The following DNAH12 variants were observed in gnomAD, a reference collection of about 807,000 sequenced individuals.
DNAH12 encodes dynein axonemal heavy chain 12.
Under a neutral mutation model 371.5 loss-of-function variants are expected in DNAH12, and 285 were observed. That is an observed-to-expected ratio of 0.77 (90% CI 0.70 to 0.85). DNAH12 has a LOEUF of 0.85. Among genes scored for constraint, DNAH12 ranks in the 40% least tolerant of loss-of-function variants. The pLI, the probability that DNAH12 is intolerant of heterozygous loss-of-function variation, is 0.00. For synonymous variants in DNAH12, 1,200 were observed against 1,213.0 expected (o/e 0.99, Z 0.22); for missense variants, 3,611 against 3,689.4 (o/e 0.98, Z 0.55).
At chr3:57,501,489 G>T in intron 10 of DNAH12, 77 bp from the exon 11 acceptor site, 2 of 975,878 alleles carry the variant, frequency 2.0e-6, no homozygotes, top group Non-Finnish European at 3.0e-6. Flanking sequence ...TATGATCATG[G>T]AATGGGGACC....
intron 11 of DNAH12, among the ~76,000 whole-genome samples, chr3:57,499,957 C>T (rs1003088990): frequency 6.6e-6 from 1 of 151,348 alleles, no homozygotes; most frequent in Non-Finnish European, 1.5e-5. Flanking sequence ...AAGAAATATG[C>T]CAGTTTTAAC....
At chr3:57,390,023 A>C (rs1404320941) in intron 45 of DNAH12, among the ~76,000 whole-genome samples, 1 of 148,982 alleles carries the variant, frequency 6.7e-6, no homozygotes. Flanking sequence ...TTTAGTAGAG[A>C]TGGGGTTTCA....
intron 37 of DNAH12, among the ~76,000 whole-genome samples, chr3:57,417,895 A>C (rs559477164): frequency 7.9e-5 from 12 of 152,312 alleles, no homozygotes; most frequent in African/African-American, 2.6e-4. Flanking sequence ...TCAAGCCTGT[A>C]ATCCCAGCAC....
Position 57,461,496 on chromosome 3 carries a change from T to C in DNAH12, c.2729A>G (p.Glu910Gly). The C allele has an allele frequency of 1.9e-6, 3 of 1,551,268 alleles. No homozygotes were observed. Among genetic ancestry groups the C allele is most frequent in the South Asian group, 2.4e-5 (2 of 84,048 alleles). ...GSPFIKPFEH[E>G]IKAWEDRLIR... ...TTATCACATTTAACATACCTTGATC[T>C]CATGTTCAAATGGTTTGATGAAAGG... is the stretch of plus-strand genomic sequence containing the variant. Residue 910 changes from glutamate to glycine, a missense_variant, in exon 19 of 74, where the codon GAG (glutamate) becomes GGG (glycine). Transcript: ENST00000495027.
intron 11 of DNAH12, 50 bp downstream of exon 11, chr3:57,501,271 T>C (rs766921113): frequency 2.2e-6 from 3 of 1,365,280 alleles, no homozygotes; most frequent in East Asian, 2.3e-5. Context: ...AAGATCCTAA[T>C]GTTACAAAAA....
At chr3:57,509,060 A>G in intron 6 of DNAH12, 80 bp downstream of exon 6, 1 of 1,226,132 alleles carries the variant, frequency 8.2e-7, no homozygotes. Context: ...TCACAATTGT[A>G]TACTTGAAGG....
intron 2 of DNAH12, among the ~76,000 whole-genome samples, chr3:57,534,410 T>C (rs1349145015): frequency 1.3e-5 from 2 of 152,162 alleles, no homozygotes; most frequent in African/African-American, 4.8e-5. Flanking sequence ...TTGAGGGGTA[T>C]GTTCAGTGGA....
chr3:57,321,315 A>T (rs1458390195), intron 65 of DNAH12, among the ~76,000 whole-genome samples: 2 of 152,188 alleles, frequency 1.3e-5, no homozygotes, highest in African/African-American at 4.8e-5. Flanking sequence ...AAGTGTCATT[A>T]AGCAGAGGGA....
chr3:57,522,949 A>G (rs1281769930), intron 4 of DNAH12, among the ~76,000 whole-genome samples: 4 of 152,178 alleles, frequency 2.6e-5, no homozygotes, highest in Non-Finnish European at 2.9e-5. Flanking sequence ...AGAATACTCA[A>G]TTATTACCCT....
At chr3:57,362,882 A>T (rs1036795332) in intron 58 of DNAH12, among the ~76,000 whole-genome samples, 4 of 152,056 alleles carry the variant, frequency 2.6e-5, no homozygotes, top group Non-Finnish European at 2.9e-5. Flanking sequence ...ATTAGATCCC[A>T]TTTGTCTATT....
In DNAH12 at chr3:57,352,162, T is replaced by C. The variant is rs1474965580; in HGVS notation, c.9597A>G (p.Leu3199=). 42 of 1,544,172 alleles carry C rather than the reference T, an allele frequency of 2.7e-5. No homozygotes were observed. The highest frequency in any genetic ancestry group is 3.3e-5 in the Non-Finnish European group (38 of 1,145,244). Residue 3199 remains leucine, a synonymous_variant, in exon 60 of 74, where the codon TTA becomes TTG. Transcript: ENST00000495027. ...RYLNDHFTYN[L]YCNICRSLFE... Reference sequence around the variant, plus strand: ...ATAGTGATCGGCATATATTACAATATAAGTTGTATGTGAAGTGGTCATTTA... The same window carrying C: ...ATAGTGATCGGCATATATTACAATACAAGTTGTATGTGAAGTGGTCATTTA...
Position 57,523,803 on chromosome 3 carries a change from A to G in DNAH12, c.252T>C (p.Thr84=). 6.3e-7 allele frequency: 1 copy of G among 1,593,702 alleles called. No individual in the cohort carries two copies. Among genetic ancestry groups the G allele is most frequent in the Non-Finnish European group, 8.5e-7 (1 of 1,173,016 alleles). The change falls in exon 3 of 74, where the codon ACT becomes ACC. Residue 84 remains threonine, a splice_region_variant and synonymous_variant. Transcript: ENST00000495027. The stretch of plus-strand genomic sequence containing the variant: ...TTTTAACGAGAAAACATAAACTTAC[A>G]GTTTGAGGATAATCAGGTGGTGGTA... ...PLLPPPDYPQ[T]MTSEMKKKGF...
At chr3:57,431,757 C>A (rs1333081694) in intron 32 of DNAH12, among the ~76,000 whole-genome samples, 1 of 152,214 alleles carries the variant, frequency 6.6e-6, no homozygotes, top group African/African-American at 2.4e-5. Context: ...TGGTCTTCCA[C>A]TCAATCAGGC....
intron 2 of DNAH12, among the ~76,000 whole-genome samples, chr3:57,540,629 A>G (rs1025232959): frequency 1.2e-4 from 18 of 152,192 alleles, no homozygotes; most frequent in African/African-American, 4.3e-4. Flanking sequence ...ATGAAAAGTT[A>G]TGGAGTAAAA....
chr3:57,490,903 A>G (rs985544542), intron 11 of DNAH12, among the ~76,000 whole-genome samples: 1 of 152,040 alleles, frequency 6.6e-6, no homozygotes, highest in African/African-American at 2.4e-5. Flanking sequence ...AGCCTGGCCA[A>G]CATGGTGAAA....
chr3:57,527,572 C>T (rs1209804133), intron 2 of DNAH12, among the ~76,000 whole-genome samples: 2 of 152,062 alleles, frequency 1.3e-5, no homozygotes, highest in Admixed American at 6.6e-5. Flanking sequence ...TTTGAAGCAA[C>T]CAGATCTCAC....
chr3:57,444,908 C>T, intron 28 of DNAH12, 92 bp from the exon 29 acceptor site: 8 of 1,434,130 alleles, frequency 5.6e-6, no homozygotes, highest in Non-Finnish European at 7.4e-6. Context: ...CTGCCCCACC[C>T]CACCCCCCTG....
At chr3:57,381,328 A>G (rs1342968401) in intron 50 of DNAH12, among the ~76,000 whole-genome samples, 1 of 147,936 alleles carries the variant, frequency 6.8e-6, no homozygotes, top group Admixed American at 6.9e-5. Context: ...GAAGGACAGA[A>G]TGGCCAAAAA....
intron 58 of DNAH12, among the ~76,000 whole-genome samples, chr3:57,360,712 T>C (rs2062907784): frequency 1.3e-5 from 2 of 151,412 alleles, no homozygotes; most frequent in Admixed American, 1.3e-4. Flanking sequence ...CAACAACAAG[T>C]CCTCTGTCCC....
Sources: allele counts gnomAD v4.1 joint callset (sites outside exome capture counted in the v4.1 genomes callset), GRCh38; gene constraint gnomAD v4.1.1; transcripts MANE v1.5; gene names NCBI Gene and HGNC (gene_info 2026-07-23, HGNC 2026-07-21).